The following TMEM131 variants were observed in gnomAD, a reference collection of about 807,000 sequenced individuals.
TMEM131 encodes the protein 2610524E03Rik.
In TMEM131, 66 loss-of-function variants were observed where a neutral mutation model predicts 211.6. The observed-to-expected ratio is 0.31, with a 90% confidence interval of 0.26 to 0.38. The LOEUF is 0.38. Ranked by LOEUF, TMEM131 falls within the 10% of genes least tolerant of loss-of-function variation. The pLI, the probability that TMEM131 is intolerant of heterozygous loss-of-function variation, is 1.00. For synonymous variants in TMEM131, 844 were observed against 841.3 expected, an observed-to-expected ratio of 1.00 and a Z score of -0.06; for missense variants, 2,036 against 2,299.3, an observed-to-expected ratio of 0.89 and a Z score of 2.34.
chr2:97,912,321 A>T (rs1676322825), intron 2 of TMEM131, among the ~76,000 whole-genome samples: 1 of 152,168 alleles, frequency 6.6e-6, no homozygotes, highest in African/African-American at 2.4e-5. Context: ...CATATGAAAA[A>T]GATGATCAAC....
At chr2:97,805,066 TA>T in intron 22 of TMEM131, 21 bp downstream of exon 22, 1 of 1,494,054 alleles carries the variant, frequency 6.7e-7, no homozygotes, top group Non-Finnish European at 9.1e-7. Context: ...ATGGCTAAAA[TA>T]AATAAACATA....
intron 5 of TMEM131, among the ~76,000 whole-genome samples, chr2:97,851,210 G>A (rs570092624): frequency 3.9e-5 from 6 of 151,956 alleles, no homozygotes; most frequent in Non-Finnish European, 7.4e-5. Context: ...TACCAAACTC[G>A]AATACTATCT....
chr2:97,944,887 G>A (rs888019277), intron 1 of TMEM131, among the ~76,000 whole-genome samples: 2 of 152,106 alleles, frequency 1.3e-5, no homozygotes, highest in Non-Finnish European at 2.9e-5. Flanking sequence ...AGCCACACTG[G>A]AAAACAGTTG....
At chr2:97,900,047 C>T (rs980623906) in intron 3 of TMEM131, among the ~76,000 whole-genome samples, 1 of 152,056 alleles carries the variant, frequency 6.6e-6, no homozygotes, top group Non-Finnish European at 1.5e-5. Flanking sequence ...AGCCTAGTCT[C>T]CCCTTAAACA....
At chr2:97,882,641 T>TG (rs1306531532) in intron 4 of TMEM131, among the ~76,000 whole-genome samples, 1 of 152,230 alleles carries the variant, frequency 6.6e-6, no homozygotes, top group Non-Finnish European at 1.5e-5. Flanking sequence ...ACTGACTCCC[T>TG]GGCCCTGTGG....
At chr2:97,843,670 C>T (rs1388659139) in intron 6 of TMEM131, among the ~76,000 whole-genome samples, 1 of 152,112 alleles carries the variant, frequency 6.6e-6, no homozygotes, top group Non-Finnish European at 1.5e-5. Context: ...TCTTGATTCA[C>T]AAACAGAATA....
chr2:97,926,851 C>T (rs1157948397), intron 2 of TMEM131, among the ~76,000 whole-genome samples: 1 of 152,170 alleles, frequency 6.6e-6, no homozygotes, highest in African/African-American at 2.4e-5. Context: ...CAAATCCTTC[C>T]TCAATCAATA....
At chr2:97,832,659 C>A (rs1016038435) in intron 11 of TMEM131, among the ~76,000 whole-genome samples, 1 of 152,184 alleles carries the variant, frequency 6.6e-6, no homozygotes, top group East Asian at 1.9e-4. Context: ...GGCATCAGCA[C>A]AAATTATAAT....
chr2:97,776,578 GAGTTTGGACAAACTCGGC>G (rs1303992029), intron 31 of TMEM131, among the ~76,000 whole-genome samples: 1 of 152,206 alleles, frequency 6.6e-6, no homozygotes, highest in East Asian at 1.9e-4. Context: ...ACAGTTCAGT[GAGTTTGGACAAACTCGGC>G]AGTTTTGACA....
chr2:97,837,577 T>C (rs1034670601), intron 7 of TMEM131, among the ~76,000 whole-genome samples: 1 of 152,182 alleles, frequency 6.6e-6, no homozygotes, highest in African/African-American at 2.4e-5. Flanking sequence ...ATCAAATAAC[T>C]ACCATAATTG....
intron 11 of TMEM131, chr2:97,827,609 A>T: frequency 1.1e-6 from 1 of 934,396 alleles, no homozygotes; most frequent in South Asian, 1.3e-5. Context: ...AATCCAGAGG[A>T]ATATTTTTAT....
intron 40 of TMEM131, among the ~76,000 whole-genome samples, chr2:97,758,586 C>G (rs1678639237): frequency 6.6e-6 from 1 of 152,292 alleles, no homozygotes; most frequent in South Asian, 2.1e-4. Context: ...CCCTTGTGGT[C>G]CATTTACAGG....
Position 97,859,522 on chromosome 2 carries a change from C to T in TMEM131, c.360-95G>A, listed in dbSNP as rs114885362. 4.2e-3 allele frequency: 4,286 copies of T among 1,028,532 alleles called. 15 individuals carry two copies. Among genetic ancestry groups the T allele is most frequent in the Non-Finnish European group, 5.5e-3 (4,059 of 737,560 alleles). The allele number at this position is 1,028,532 out of a possible 1,614,324, so 63.7% of individuals were successfully genotyped here. On this transcript the variant is annotated intron_variant, in intron 4 of 40. Coordinates refer to ENST00000186436, the MANE Select transcript of TMEM131 (RefSeq NM_015348.2). ...ATTAATCAAAATTGTTAGACAAATA[C>T]ATAGCTAAATATATTAAAATGCTTT...
intron 1 of TMEM131, among the ~76,000 whole-genome samples, chr2:97,972,393 T>C (rs2104606862): frequency 7.1e-6 from 1 of 139,880 alleles, no homozygotes; most frequent in East Asian, 2.3e-4. Context: ...TGAGATCCCC[T>C]GTTAAAAAAG....
intron 3 of TMEM131, among the ~76,000 whole-genome samples, chr2:97,902,553 C>T (rs113707135): frequency 2.6e-5 from 4 of 152,226 alleles, no homozygotes; most frequent in African/African-American, 7.2e-5. Context: ...CATATTTATA[C>T]ACATAAACAT....
chr2:97,876,463 A>G (rs1674698198), intron 4 of TMEM131, among the ~76,000 whole-genome samples: 1 of 152,210 alleles, frequency 6.6e-6, no homozygotes, highest in East Asian at 1.9e-4. Context: ...TCAATAAAAT[A>G]CCGGCAAACT....
At position 97,833,383 on chromosome 2, in the gene TMEM131, T is replaced by C; in HGVS notation, c.1056A>G (p.Thr352=). 7.6e-7 allele frequency: 1 copy of C among 1,315,676 alleles called. No individual in the cohort carries two copies. Among genetic ancestry groups the C allele is most frequent in the Non-Finnish European group, 1.1e-6 (1 of 938,074 alleles). The allele number at this position is 1,315,676 out of a possible 1,614,324, so 81.5% of individuals were successfully genotyped here. A position where few individuals can be genotyped will look rare whatever the true frequency, so the allele number is the denominator to read the frequency against. Residue 352 remains threonine, a synonymous_variant, in exon 11 of 41, where the codon ACA becomes ACG. Coordinates refer to ENST00000186436, the MANE Select transcript of TMEM131 (RefSeq NM_015348.2). ...AACTTACTGTTATTGGTACATCTTT[T>C]GTTCCTGAATTTAATAAATGAAGGT... The part of the protein sequence containing the change: ...VLNLHLLNSG[T]KDVPITSVRP...
intron 1 of TMEM131, among the ~76,000 whole-genome samples, chr2:97,943,037 AAAAG>A (rs71394401): frequency 0.035 from 2,276 of 65,838 alleles, 73 homozygotes; most frequent in Admixed American, 0.065. Flanking sequence ...AAAAGAAAAG[AAAAG>A]AAAGAAAGAA....
intron 17 of TMEM131, 40 bp from the exon 18 acceptor site, chr2:97,811,272 AGTTG>A: frequency 4.0e-6 from 6 of 1,498,150 alleles, no homozygotes; most frequent in Non-Finnish European, 5.6e-6. Context: ...TAGCCTTGTT[AGTTG>A]AAGTTTCCTA....
Sources: gnomAD v4.1 joint callset for allele counts (sites outside exome capture counted in the v4.1 genomes callset) on GRCh38, gnomAD v4.1.1 for gene constraint, MANE v1.5 for transcripts, NCBI Gene and HGNC (gene_info 2026-07-23, HGNC 2026-07-21) for gene names.